The following COBL variants were observed in gnomAD, a reference collection of about 807,000 sequenced individuals.
COBL encodes the protein protein cordon-bleu.
A neutral mutation model predicts 98.8 loss-of-function variants in COBL; 51 were observed. That is an observed-to-expected ratio of 0.52 (90% CI 0.41 to 0.65). The LOEUF (loss-of-function observed/expected upper bound fraction) is 0.65, where lower values mean the gene tolerates loss of function less well. Among genes scored for constraint, COBL ranks in the 30% least tolerant of loss-of-function variants. The pLI, the probability that COBL is intolerant of heterozygous loss-of-function variation, is 0.00. For synonymous variants in COBL, 634 were observed against 651.7 expected, an observed-to-expected ratio of 0.97 and a Z score of 0.41; for missense variants, 1,617 against 1,617.5, an observed-to-expected ratio of 1.00 and a Z score of 0.01.
chr7:51,093,526 C>T (rs1216686403), intron 6 of COBL, among the ~76,000 whole-genome samples: 2 of 152,296 alleles, frequency 1.3e-5, no homozygotes, highest in Non-Finnish European at 2.9e-5. Context: ...GAAATTAGTA[C>T]ATCAAAAGAC....
In COBL at chr7:51,028,918, G is replaced by A; in HGVS notation, c.2178C>T (p.Leu726=). 6.2e-7 allele frequency: 1 copy of A among 1,614,226 alleles called. No individual in the cohort carries two copies. ...CGTCAATCTTAATGGCTCCGGTGGAGAGGGACACATCTCTGTCGTAACATC... is the reference window on the plus strand; with the variant it reads ...CGTCAATCTTAATGGCTCCGGTGGAAAGGGACACATCTCTGTCGTAACATC... The part of the protein sequence containing the change: ...EMRCYDRDVS[L]STGAIKIDEL... The change falls in exon 10 of 13, where the codon CTC becomes CTT. Residue 726 remains leucine (L), a synonymous_variant. Coordinates refer to ENST00000265136, the MANE Select transcript of COBL (RefSeq NM_015198.5).
intron 1 of COBL, 179 bp downstream of exon 1, chr7:51,316,414 C>T: frequency 2.5e-6 from 1 of 398,764 alleles, no homozygotes; most frequent in Non-Finnish European, 4.1e-6. Context: ...GTACACAGCA[C>T]GCACCACCAC....
chr7:51,023,621 C>G (rs1787158956), intron 12 of COBL, among the ~76,000 whole-genome samples: 1 of 152,200 alleles, frequency 6.6e-6, no homozygotes. Context: ...TCTGGGTGTC[C>G]ACAGGGACTC....
intron 1 of COBL, among the ~76,000 whole-genome samples, chr7:51,224,374 T>C (rs1024553498): frequency 0.096 from 30 of 312 alleles, no homozygotes; most frequent in African/African-American, 0.23. Flanking sequence ...GAAAAAGAGA[T>C]TGCAGAATAA....
chr7:51,076,036 G>A (rs1238787280), intron 7 of COBL, among the ~76,000 whole-genome samples: 1 of 152,130 alleles, frequency 6.6e-6, no homozygotes, highest in Non-Finnish European at 1.5e-5. Context: ...TGCCTGCCCC[G>A]TGGCAGCAGG....
chr7:51,299,280 C>A (rs578076136), intron 1 of COBL, among the ~76,000 whole-genome samples: 1 of 152,352 alleles, frequency 6.6e-6, no homozygotes, highest in Admixed American at 6.5e-5. Context: ...CCTGTCTGCC[C>A]AGGAGGTGCA....
At chr7:51,088,922 C>T (rs929576996) in intron 6 of COBL, among the ~76,000 whole-genome samples, 16 of 152,132 alleles carry the variant, frequency 1.1e-4, no homozygotes, top group African/African-American at 3.6e-4. Flanking sequence ...ATCCCTGTGT[C>T]GGTGCAGACT....
At chr7:51,311,789 A>C (rs1803068916) in intron 1 of COBL, among the ~76,000 whole-genome samples, 1 of 152,332 alleles carries the variant, frequency 6.6e-6, no homozygotes, top group East Asian at 1.9e-4. Flanking sequence ...GCATATTATC[A>C]ATACATCTCT....
chr7:51,034,760 T>A (rs1788467085), intron 8 of COBL: 2 of 152,220 alleles, frequency 1.3e-5, no homozygotes, highest in Non-Finnish European at 2.9e-5. Flanking sequence ...AAAGTAAACC[T>A]GCCCAGATGT....
intron 12 of COBL, chr7:51,022,603 G>A (rs567232100): frequency 1.3e-5 from 2 of 152,304 alleles, no homozygotes; most frequent in African/African-American, 4.8e-5. Flanking sequence ...GTAAGGCAGA[G>A]GAACGCATTC....
chr7:51,048,964 T>C (rs1008450223), intron 7 of COBL, among the ~76,000 whole-genome samples: 3 of 152,364 alleles, frequency 2.0e-5, no homozygotes, highest in Non-Finnish European at 4.4e-5. Flanking sequence ...CTTATAGATA[T>C]AAGCACTAGG....
At chr7:51,054,525 C>G (rs1790540766) in intron 7 of COBL, among the ~76,000 whole-genome samples, 1 of 152,132 alleles carries the variant, frequency 6.6e-6, no homozygotes, top group African/African-American at 2.4e-5. Flanking sequence ...ACTGCCTGGC[C>G]TGGAGAGGAG....
intron 12 of COBL, among the ~76,000 whole-genome samples, chr7:51,024,032 G>A (rs748319165): frequency 1.3e-4 from 20 of 152,176 alleles, no homozygotes; most frequent in Non-Finnish European, 2.6e-4. Flanking sequence ...AATCTTTGCC[G>A]GGCGCAGTGG....
At chr7:51,155,408 T>C (rs958281113) in intron 5 of COBL, among the ~76,000 whole-genome samples, 5 of 151,464 alleles carry the variant, frequency 3.3e-5, no homozygotes, top group Non-Finnish European at 7.4e-5. Context: ...GCCAACATGG[T>C]GAAACCCCAT....
Position 51,025,257 on chromosome 7 carries a change from G to GCCCTT in COBL, c.3619_3620insAAGGG (p.Pro1207GlnfsTer37). ...CTGGGAGGGTGGAGGGGGTGGTGGG[G>GCCCTT]GAATGGCTGGTGGGGACAGAAGACC... On this transcript the variant is annotated frameshift_variant, in exon 12 of 13. Transcript: ENST00000265136. LOFTEE classifies it high-confidence loss of function. The GCCCTT allele has an allele frequency of 9.1e-7, 1 of 1,102,448 alleles. No individual in the cohort carries two copies. Among genetic ancestry groups the GCCCTT allele is most frequent in the Non-Finnish European group, 1.4e-6 (1 of 740,618 alleles). 68.3% of individuals were successfully genotyped at this position (1,102,448 alleles called of 1,614,324 possible). A position where few individuals can be genotyped will look rare whatever the true frequency, so the allele number is the denominator to read the frequency against.
chr7:51,310,478 T>C (rs1802915722), intron 1 of COBL, among the ~76,000 whole-genome samples: 1 of 152,184 alleles, frequency 6.6e-6, no homozygotes. Flanking sequence ...AAGGATGCCC[T>C]GTCTGGCCCT....
intron 2 of COBL, among the ~76,000 whole-genome samples, chr7:51,209,874 T>A (rs1471616489): frequency 6.6e-6 from 1 of 152,156 alleles, no homozygotes; most frequent in Non-Finnish European, 1.5e-5. Flanking sequence ...ATTACACGAA[T>A]GCAACTACTG....
chr7:51,052,646 A>C (rs1452733833), intron 7 of COBL, among the ~76,000 whole-genome samples: 1 of 152,156 alleles, frequency 6.6e-6, no homozygotes, highest in Non-Finnish European at 1.5e-5. Flanking sequence ...TATTTAATCA[A>C]TGCCTCAGAA....
rs367638861 is a variant in COBL at position 51,250,401 on chromosome 7, T to C, written c.42-30457A>G. On this transcript the variant is annotated intron_variant, in intron 1 of 12. Coordinates refer to ENST00000265136, the MANE Select transcript of COBL (RefSeq NM_015198.5). ...TATGTAAACTGATGAAATTAAAGTT[T>C]GAAAATAAAAATAGTTGATGGTTCC... is the stretch of plus-strand genomic sequence containing the variant. Among the ~76,000 whole-genome samples, 171 of 152,356 alleles carry C rather than the reference T, an allele frequency of 1.1e-3. 4 individuals are homozygous for C. The South Asian group carries it at 0.03, about 26-fold the overall frequency.
Sources: gnomAD v4.1 joint callset for allele counts (sites outside exome capture counted in the v4.1 genomes callset) on GRCh38, gnomAD v4.1.1 for gene constraint, MANE v1.5 for transcripts, NCBI Gene and HGNC (gene_info 2026-07-23, HGNC 2026-07-21) for gene names.